The following GBP2 variants were observed in gnomAD, a reference collection of about 807,000 sequenced individuals.
GBP2 encodes guanylate-binding protein 2.
GBP2 carries 54 observed loss-of-function variants against 60.8 expected under a neutral mutation model. That is an observed-to-expected ratio of 0.89 (90% confidence interval 0.71 to 1.11). GBP2 has a LOEUF of 1.11. Among genes scored for constraint, GBP2 ranks in the 50% most tolerant of loss-of-function variants. The probability of loss-of-function intolerance (pLI) is 0.00; values close to 1 mark genes in which losing one functional copy is unlikely to be tolerated. For missense variants in GBP2, 665 were observed against 703.3 expected, an observed-to-expected ratio of 0.95 and a Z score of 0.62; for synonymous variants, 243 against 256.5, an observed-to-expected ratio of 0.95 and a Z score of 0.50.
intron 8 of GBP2, 39 bp from the exon 9 acceptor site, chr1:89,110,305 T>C (rs747579936): frequency 6.6e-6 from 10 of 1,505,952 alleles, no homozygotes; most frequent in Admixed American, 1.7e-5. Flanking sequence ...GAAAGAGTGA[T>C]TGTGGGTTAG....
chr1:89,111,422 C>T (rs1681160925), intron 8 of GBP2, among the ~76,000 whole-genome samples: 1 of 151,714 alleles, frequency 6.6e-6, no homozygotes. Flanking sequence ...GATTCCACAC[C>T]AAAAAAACTA....
chr1:89,113,319 C>T (rs1029323353), intron 7 of GBP2, among the ~76,000 whole-genome samples: 1 of 152,216 alleles, frequency 6.6e-6, no homozygotes, highest in Admixed American at 6.5e-5. Flanking sequence ...TGGAAAGTCT[C>T]ATAGAACAGC....
intron 5 of GBP2, 36 bp from the exon 6 acceptor site, chr1:89,117,270 A>C: frequency 6.6e-7 from 1 of 1,524,042 alleles, no homozygotes; most frequent in Non-Finnish European, 9.1e-7. Flanking sequence ...TAAAACTTCA[A>C]ATTAATTACT....
Position 89,120,290 on chromosome 1 carries a change from T to C in GBP2, c.319-2A>G. Reference sequence around the variant, plus strand: ...CCAGGAGTCATTCTCATTGTCACCCTGTAAGTCATTGTAGAAGCCACAAAG... The same window carrying C: ...CCAGGAGTCATTCTCATTGTCACCCCGTAAGTCATTGTAGAAGCCACAAAG... On this transcript the variant is annotated splice_acceptor_variant, in intron 3 of 10. Transcript: ENST00000370466. LOFTEE classifies it high-confidence loss of function. 6.2e-7 allele frequency: 1 copy of C among 1,606,082 alleles called. No homozygotes were observed. The highest frequency in any genetic ancestry group is 8.5e-7 in the Non-Finnish European group (1 of 1,172,780).
At chr1:89,118,247 T>G (rs1258505193) in intron 4 of GBP2, 1 of 152,990 alleles carries the variant, frequency 6.5e-6, no homozygotes, top group Non-Finnish European at 1.5e-5. Context: ...GTTTTCCAGG[T>G]AAATTATCTC....
In GBP2 at chr1:89,117,185, T is replaced by G; in HGVS notation, c.675A>C (p.Arg225=). ...KSFNDPRLCI[R]KFFPKRKCFV... ...AGCACTTCCTCTTGGGGAAGAACTT[T>G]CGGATGCACAACCGAGGATCATTAA... The change falls in exon 6 of 11, where the codon CGA becomes CGC. Residue 225 remains arginine, a synonymous_variant. Coordinates refer to ENST00000370466, the MANE Select transcript of GBP2 (RefSeq NM_004120.5). 1 of 1,614,152 alleles carries G rather than the reference T, an allele frequency of 6.2e-7. No homozygotes were observed. Among genetic ancestry groups the G allele is most frequent in the Non-Finnish European group, 8.5e-7 (1 of 1,179,982 alleles).
chr1:89,110,096 G>A (rs1681133201), intron 9 of GBP2, 68 bp downstream of exon 9: 1 of 1,145,930 alleles, frequency 8.7e-7, no homozygotes, highest in Non-Finnish European at 1.3e-6. Flanking sequence ...AATTCCAGGT[G>A]GACCAATATT....
chr1:89,110,889 T>C (rs1681152461), intron 8 of GBP2, among the ~76,000 whole-genome samples: 1 of 152,214 alleles, frequency 6.6e-6, no homozygotes, highest in South Asian at 2.1e-4. Context: ...CTAATGAAAA[T>C]TGATGCAAAA....
chr1:89,124,373 T>C (rs902487669), intron 1 of GBP2, among the ~76,000 whole-genome samples: 3 of 152,248 alleles, frequency 2.0e-5, no homozygotes, highest in African/African-American at 7.2e-5. Flanking sequence ...TGTATCTCAC[T>C]GTTCAGAAAA....
At chr1:89,123,940 T>C (rs966994589) in intron 1 of GBP2, among the ~76,000 whole-genome samples, 1 of 152,224 alleles carries the variant, frequency 6.6e-6, no homozygotes, top group Non-Finnish European at 1.5e-5. Context: ...TAGTTTACCT[T>C]TCTTGGACTT....
chr1:89,120,853 G>A (rs898392827), intron 3 of GBP2, among the ~76,000 whole-genome samples: 1 of 152,122 alleles, frequency 6.6e-6, no homozygotes, highest in African/African-American at 2.4e-5. Flanking sequence ...AAGTTTATAA[G>A]CACCTTCAGC....
chr1:89,117,088 G>A lies in GBP2; in HGVS notation c.772C>T (p.Pro258Ser), dbSNP rs375023862. The change falls in exon 6 of 11, where the codon CCT becomes TCT. Residue 258 changes from proline to serine, a missense_variant. Pro to Ser is a moderately conservative substitution (Grantham distance 74). Coordinates refer to ENST00000370466, the MANE Select transcript of GBP2 (RefSeq NM_004120.5). ...TCTGCAACTTGTTCTATGAAATCAG[G>A]GTTCAGCTCTTCCTCCTTTAGCTGC... ...LEQLKEEELN[P>S]DFIEQVAEFC... 4.3e-6 allele frequency: 7 copies of A among 1,613,988 alleles called. No homozygotes were observed. Among genetic ancestry groups the A allele is most frequent in the South Asian group, 2.2e-5 (2 of 91,086 alleles).
At chr1:89,112,159 T>C (rs2100612663) in intron 8 of GBP2, among the ~76,000 whole-genome samples, 1 of 152,336 alleles carries the variant, frequency 6.6e-6, no homozygotes, top group African/African-American at 2.4e-5. Context: ...TTGAACTTTT[T>C]TTTTTAACTG....
chr1:89,118,822 A>G (rs1010032305), intron 4 of GBP2: 2 of 152,222 alleles, frequency 1.3e-5, no homozygotes, highest in Admixed American at 1.3e-4. Flanking sequence ...GAGCACTTCT[A>G]TGAATGATGT....
intron 1 of GBP2, among the ~76,000 whole-genome samples, chr1:89,123,577 TA>T (rs1302104000): frequency 1.3e-5 from 2 of 152,268 alleles, no homozygotes; most frequent in Non-Finnish European, 2.9e-5. Context: ...ATAAATTTGC[TA>T]ACTAGAGTGC....
In GBP2 at chr1:89,116,989, C is replaced by G. The variant is rs754059516; in HGVS notation, c.868+3G>C. On this transcript the variant is annotated splice_donor_region_variant and intron_variant, in intron 6 of 10. Transcript: ENST00000370466. ...TAGGAAGTGGGTAGAGAGAGTGACT[C>G]ACGAGGCCCATTGACTGGAATGCCA... 1 of 1,613,810 alleles carries G rather than the reference C, an allele frequency of 6.2e-7. No individual in the cohort carries two copies. Among genetic ancestry groups the G allele is most frequent in the South Asian group, 1.1e-5 (1 of 91,054 alleles).
At chr1:89,123,655 C>T (rs1401493427) in intron 1 of GBP2, among the ~76,000 whole-genome samples, 2 of 152,198 alleles carry the variant, frequency 1.3e-5, no homozygotes, top group Non-Finnish European at 2.9e-5. Context: ...TCCAAAGTTG[C>T]TTAGACTACT....
chr1:89,110,383 C>T (rs1259474769), intron 8 of GBP2, 117 bp from the exon 9 acceptor site: 1 of 765,328 alleles, frequency 1.3e-6, no homozygotes, highest in Non-Finnish European at 2.2e-6. Context: ...AAGATACTTG[C>T]ATACGCATGT....
intron 4 of GBP2, chr1:89,119,108 T>C (rs1368096617): frequency 6.6e-6 from 1 of 152,166 alleles, no homozygotes; most frequent in Admixed American, 6.5e-5. Context: ...TTAAGTGTTA[T>C]AATATTTAGA....
Sources: allele counts gnomAD v4.1 joint callset (sites outside exome capture counted in the v4.1 genomes callset), GRCh38; gene constraint gnomAD v4.1.1; transcripts MANE v1.5; gene names NCBI Gene and HGNC (gene_info 2026-07-23, HGNC 2026-07-21).